Variants in NTM observed in about 807,000 individuals in gnomAD.
The protein encoded by NTM is neurotrimin.
NTM carries 13 observed loss-of-function variants against 42.1 expected under a neutral mutation model. The observed-to-expected ratio is 0.31, with a 90% CI of 0.20 to 0.49. The LOEUF is 0.49. Among genes scored for constraint, NTM ranks in the 20% least tolerant of loss-of-function variants. NTM has a pLI of 0.99. For synonymous variants in NTM, 187 were observed against 179.2 expected (o/e 1.04, Z -0.35); for missense variants, 373 against 452.8 (o/e 0.82, Z 1.60).
At chr11:131,702,468 A>T (rs2076172994) in intron 1 of NTM, among the ~76,000 whole-genome samples, 2 of 152,158 alleles carry the variant, frequency 1.3e-5, no homozygotes, top group Admixed American at 1.3e-4. Flanking sequence ...ATCTTGTCCA[A>T]GGTCACACAA....
At chr11:131,952,056 T>C (rs531419781) in intron 2 of NTM, among the ~76,000 whole-genome samples, 150 of 152,198 alleles carry the variant, frequency 9.9e-4, no homozygotes, top group African/African-American at 3.4e-3. Context: ...CACACTTTTT[T>C]TTCCTCTGTG....
intron 2 of NTM, chr11:131,922,068 TC>T (rs1321808097): frequency 1.3e-5 from 2 of 152,626 alleles, no homozygotes; most frequent in Admixed American, 6.5e-5. Flanking sequence ...ATTATTTTTT[TC>T]TTTTTTGCTT....
At chr11:131,748,046 T>C (rs779683371) in intron 1 of NTM, among the ~76,000 whole-genome samples, 5 of 152,252 alleles carry the variant, frequency 3.3e-5, no homozygotes, top group African/African-American at 7.2e-5. Context: ...ATTACTTGTG[T>C]ACAAGAAGCG....
chr11:131,985,444 T>G (rs2065910161), intron 2 of NTM, among the ~76,000 whole-genome samples: 1 of 152,142 alleles, frequency 6.6e-6, no homozygotes, highest in African/African-American at 2.4e-5. Flanking sequence ...AACCTGCAAG[T>G]CTCTGTGGAG....
intron 1 of NTM, among the ~76,000 whole-genome samples, chr11:131,900,797 A>G (rs1011163021): frequency 2.6e-5 from 4 of 152,254 alleles, no homozygotes; most frequent in Admixed American, 6.5e-5. Context: ...GATAACTACT[A>G]TAAGCAATAC....
At chr11:131,639,817 G>A (rs895271778) in intron 1 of NTM, among the ~76,000 whole-genome samples, 9 of 152,044 alleles carry the variant, frequency 5.9e-5, no homozygotes, top group African/African-American at 9.7e-5. Flanking sequence ...TTAGCCGGGT[G>A]TGGTGGCGGG....
intron 1 of NTM, among the ~76,000 whole-genome samples, chr11:131,531,183 C>G (rs527964079): frequency 2.0e-4 from 30 of 152,280 alleles, no homozygotes; most frequent in East Asian, 9.7e-4. Context: ...GTTGCCAAGG[C>G]TAGATGCAAT....
intron 1 of NTM, among the ~76,000 whole-genome samples, chr11:131,596,989 G>T (rs181529221): frequency 6.6e-6 from 1 of 152,120 alleles, no homozygotes; most frequent in South Asian, 2.1e-4. Flanking sequence ...AGGCTGGGAG[G>T]CTATCAGGAT....
rs758826369 is a variant in NTM, at chr11:131,965,800, G to A, written c.167+54152G>A. 3.3e-5 allele frequency among the ~76,000 whole-genome samples: 5 copies of A among 152,176 alleles called. No individual in the cohort carries two copies. The South Asian group carries it at 1.0e-3, about 32-fold the overall frequency. On this transcript the variant is annotated intron_variant, in intron 2 of 8. Coordinates refer to ENST00000683400, the MANE Select transcript of NTM (RefSeq NM_001352005.2). ...TCAGTGGACTATCAGCTAATTGAAG[G>A]TGAGGACTGTGTCTGAGTTTTCAAA... is the stretch of plus-strand genomic sequence containing the variant.
chr11:131,680,398 TGC>T (rs2072259658), intron 1 of NTM, among the ~76,000 whole-genome samples: 6 of 151,330 alleles, frequency 4.0e-5, no homozygotes, highest in Admixed American at 6.6e-5. Flanking sequence ...TGTGTGTGTG[TGC>T]GTCTGTGTAG....
At chr11:132,118,986 T>TC (rs918342515) in intron 2 of NTM, among the ~76,000 whole-genome samples, 2 of 152,004 alleles carry the variant, frequency 1.3e-5, no homozygotes, top group Non-Finnish European at 2.9e-5. Context: ...GAAGCGCCTC[T>TC]CCCCCCAGCC....
intron 1 of NTM, among the ~76,000 whole-genome samples, chr11:131,620,958 G>A (rs138222714): frequency 6.6e-6 from 1 of 152,128 alleles, no homozygotes; most frequent in African/African-American, 2.4e-5. Flanking sequence ...GAATCATAAC[G>A]ATAAATTACG....
In NTM at chr11:132,313,469, GT is replaced by G. The variant is rs112298068; in HGVS notation, c.783-1077del. On this transcript the variant is annotated intron_variant, in intron 6 of 8. Coordinates refer to ENST00000683400, the MANE Select transcript of NTM (RefSeq NM_001352005.2). ...CCCTGAGATCCTTCATCAAGAAGGG[GT>G]TTTTTGCCCCAAGAGTATTCATCTT... Among the ~76,000 whole-genome samples the G allele has an allele frequency of 2.3e-3, 350 of 150,664 alleles. 2 individuals carry two copies. The highest frequency in any genetic ancestry group is 8.4e-3 in the African/African-American group (335 of 40,012).
At chr11:132,106,730 G>A (rs2062421694) in intron 2 of NTM, among the ~76,000 whole-genome samples, 1 of 152,210 alleles carries the variant, frequency 6.6e-6, no homozygotes, top group Non-Finnish European at 1.5e-5. Flanking sequence ...CAGGGCTCGG[G>A]TGATCGTGAT....
intron 1 of NTM, among the ~76,000 whole-genome samples, chr11:131,695,202 C>T (rs956100000): frequency 2.5e-5 from 3 of 120,762 alleles, no homozygotes; most frequent in Non-Finnish European, 4.8e-5. Context: ...GAGATAGGCA[C>T]TGGGTTTGTA....
intron 1 of NTM, among the ~76,000 whole-genome samples, chr11:131,907,141 C>T (rs1034184356): frequency 1.3e-5 from 2 of 152,188 alleles, no homozygotes; most frequent in African/African-American, 4.8e-5. Context: ...AGCCTTTAGC[C>T]TTTTTCGACG....
At chr11:131,415,219 C>A (rs538845069) in intron 1 of NTM, among the ~76,000 whole-genome samples, 25 of 152,230 alleles carry the variant, frequency 1.6e-4, no homozygotes, top group Non-Finnish European at 2.6e-4. Flanking sequence ...TTAGTGGCAC[C>A]TTTCTACAAA....
intron 2 of NTM, among the ~76,000 whole-genome samples, chr11:131,996,166 A>G (rs548670207): frequency 2.0e-5 from 3 of 152,304 alleles, no homozygotes; most frequent in African/African-American, 7.2e-5. Flanking sequence ...ACACATCTGA[A>G]GAGTTTTCAG....
chr11:131,684,386 C>G (rs1288082672), intron 1 of NTM, among the ~76,000 whole-genome samples: 1 of 152,186 alleles, frequency 6.6e-6, no homozygotes, highest in African/African-American at 2.4e-5. Flanking sequence ...AAAGGCAGTT[C>G]CCCCACACTC....
Sources: gnomAD v4.1 joint callset for allele counts (sites outside exome capture counted in the v4.1 genomes callset) on GRCh38, gnomAD v4.1.1 for gene constraint, MANE v1.5 for transcripts, NCBI Gene and HGNC (gene_info 2026-07-23, HGNC 2026-07-21) for gene names.